The following RBBP8 variants were observed in gnomAD, a reference collection of about 807,000 sequenced individuals.
RBBP8 encodes RB binding protein 8, endonuclease.
Under a neutral mutation model 108.3 loss-of-function variants are expected in RBBP8, and 88 were observed. That is an observed-to-expected ratio of 0.81 (90% CI 0.68 to 0.97). The LOEUF (loss-of-function observed/expected upper bound fraction) is 0.97. Ranked by LOEUF, RBBP8 falls within the 50% of genes least tolerant of loss-of-function variation. The probability of loss-of-function intolerance (pLI) is 0.00; values close to 1 mark genes in which losing one functional copy is unlikely to be tolerated. For missense variants in RBBP8, 1,023 were observed against 1,049.0 expected, an observed-to-expected ratio of 0.98 and a Z score of 0.34; for synonymous variants, 332 against 348.2, an observed-to-expected ratio of 0.95 and a Z score of 0.52.
chr18:22,997,707 C>G lies in RBBP8; in HGVS notation c.2116C>G (p.Gln706Glu). The change falls in exon 14 of 19, where the codon CAA (glutamine) becomes GAA (glutamate). Residue 706 changes from glutamine to glutamate, a missense_variant. By Grantham distance (29) the Gln-to-Glu change is conservative. Coordinates refer to ENST00000327155, the MANE Select transcript of RBBP8 (RefSeq NM_002894.3). ...SETVLLKMKKQEQKGEKSSNE... is the reference protein window; with the variant it reads ...SETVLLKMKKEEQKGEKSSNE... Reference sequence around the variant, plus strand: ...AACCGTTCTCTTAAAAATGAAGAAGCAAGAGCAGAAGGGAGAAAAAAGTTC... The same window carrying G: ...AACCGTTCTCTTAAAAATGAAGAAGGAAGAGCAGAAGGGAGAAAAAAGTTC... The G allele has an allele frequency of 1.9e-6, 3 of 1,602,694 alleles. No homozygotes were observed. The highest frequency in any genetic ancestry group is 2.6e-6 in the Non-Finnish European group (3 of 1,172,592).
chr18:22,993,470 A>AT lies in RBBP8; in HGVS notation c.1645dup (p.Ser549PhefsTer18), dbSNP rs1423546328. ...GATGGCAACTGCACGTTGCCCAAAG[A>AT]TTCCCCAGGGGAGCCCTGTTCACAG... is the stretch of plus-strand genomic sequence containing the variant. On this transcript the variant is annotated frameshift_variant, in exon 11 of 19. Transcript: ENST00000327155. LOFTEE classifies it high-confidence loss of function. The AT allele has an allele frequency of 1.2e-6, 2 of 1,614,110 alleles. No individual in the cohort carries two copies. Among genetic ancestry groups the AT allele is most frequent in the Non-Finnish European group, 1.7e-6 (2 of 1,180,042 alleles).
intron 2 of RBBP8, among the ~76,000 whole-genome samples, chr18:22,944,525 G>A (rs1394904161): frequency 6.6e-6 from 1 of 152,172 alleles, no homozygotes; most frequent in East Asian, 1.9e-4. Flanking sequence ...TGCACCACAG[G>A]TTTTGGTTTT....
rs190738483 is a variant in RBBP8 at position 22,955,486 on chromosome 18, T to C, written c.248+5773T>C. 2.0e-3 allele frequency among the ~76,000 whole-genome samples: 305 copies of C among 152,288 alleles called. 2 individuals are homozygous for C. The highest frequency in any genetic ancestry group is 3.5e-3 in the South Asian group (17 of 4,826). On this transcript the variant is annotated intron_variant, in intron 4 of 18. Transcript: ENST00000327155. ...CTTTCTATTAACGCTACAGGATAGA[T>C]GATAGATCCATTTTGCATGTGAGGA...
intron 14 of RBBP8, among the ~76,000 whole-genome samples, chr18:23,000,547 G>C (rs1598729139): frequency 6.6e-6 from 1 of 152,098 alleles, no homozygotes; most frequent in African/African-American, 2.4e-5. Flanking sequence ...TTTGAGACCA[G>C]CCTGGCCAAC....
chr18:23,016,743 T>C, intron 16 of RBBP8, 85 bp from the exon 17 acceptor site: 1 of 1,069,518 alleles, frequency 9.4e-7, no homozygotes, highest in South Asian at 1.3e-5. Flanking sequence ...TGAATAAACA[T>C]TTCAAATAAA....
intron 18 of RBBP8, among the ~76,000 whole-genome samples, chr18:23,022,602 A>AAAAATAAAATAAAAT (rs1299225729): frequency 0.1 from 9,544 of 92,438 alleles, 1,410 homozygotes; most frequent in African/African-American, 0.21. Flanking sequence ...ACTCTGTCTC[A>AAAAATAAAATAAAAT]AAAATAAAAT....
chr18:22,971,953 T>G (rs1914124355), intron 5 of RBBP8, among the ~76,000 whole-genome samples: 1 of 151,610 alleles, frequency 6.6e-6, no homozygotes, highest in African/African-American at 2.4e-5. Flanking sequence ...CCCCAGTGTT[T>G]AATTTCTAAA....
chr18:23,006,475 C>A, intron 16 of RBBP8, 43 bp downstream of exon 16: 1 of 1,398,486 alleles, frequency 7.2e-7, no homozygotes. Flanking sequence ...ACTGGAAGTA[C>A]AATAGAGCTG....
At chr18:23,015,128 T>C (rs1417082027) in intron 16 of RBBP8, among the ~76,000 whole-genome samples, 1 of 152,010 alleles carries the variant, frequency 6.6e-6, no homozygotes, top group Non-Finnish European at 1.5e-5. Flanking sequence ...CTGGTGTTGG[T>C]CTCAAGCAAC....
chr18:22,970,023 G>A lies in RBBP8; in HGVS notation c.361+1105G>A, dbSNP rs184896102. Among the ~76,000 whole-genome samples the A allele has an allele frequency of 4.1e-3, 618 of 152,314 alleles. 3 individuals are homozygous for A. Among genetic ancestry groups the A allele is most frequent in the Non-Finnish European group, 5.0e-3 (337 of 68,006 alleles). ...CATACCAAAATCCTTGGATGCTCAA[G>A]TACCTTATATAAAGTCACATAGTAT... On this transcript the variant is annotated intron_variant, in intron 5 of 18. Transcript: ENST00000327155.
At position 22,946,400 on chromosome 18, in the gene RBBP8, A is replaced by C. The variant is rs746915550; in HGVS notation, c.110-44A>C. 1.6e-5 allele frequency: 25 copies of C among 1,606,318 alleles called. No individual in the cohort carries two copies. In the East Asian group the frequency reaches 1.8e-4, roughly 11 times the overall value. On this transcript the variant is annotated intron_variant, in intron 2 of 18. Coordinates refer to ENST00000327155, the MANE Select transcript of RBBP8 (RefSeq NM_002894.3). ...TTAATAGTGGAGCATTTGACTCATA[A>C]AGGAACTGTTGTAGAAGTAATACCT...
intron 10 of RBBP8, among the ~76,000 whole-genome samples, chr18:22,992,075 T>C (rs558968320): frequency 7.9e-5 from 12 of 152,356 alleles, no homozygotes; most frequent in African/African-American, 2.6e-4. Flanking sequence ...TTTCTACGCA[T>C]ATTTCCTCTG....
intron 5 of RBBP8, among the ~76,000 whole-genome samples, chr18:22,971,582 A>G (rs2144604986): frequency 6.6e-6 from 1 of 150,908 alleles, no homozygotes; most frequent in South Asian, 2.1e-4. Flanking sequence ...AACTCTTAGC[A>G]TCTGTTCATG....
intron 6 of RBBP8, among the ~76,000 whole-genome samples, chr18:22,975,929 CA>C (rs1253192079): frequency 6.6e-6 from 1 of 152,020 alleles, no homozygotes; most frequent in Non-Finnish European, 1.5e-5. Flanking sequence ...CTGACTAATG[CA>C]GAGCAGAGCA....
intron 2 of RBBP8, among the ~76,000 whole-genome samples, chr18:22,939,121 G>A (rs1910834313): frequency 6.6e-6 from 1 of 152,012 alleles, no homozygotes; most frequent in East Asian, 1.9e-4. Flanking sequence ...GTTTAATATT[G>A]CAGTGCTTTA....
rs756442828 is a variant in RBBP8 at position 22,993,296 on chromosome 18, C to G, written c.1469C>G (p.Pro490Arg). 5.0e-6 allele frequency: 8 copies of G among 1,614,178 alleles called. No homozygotes were observed. Among genetic ancestry groups the G allele is most frequent in the Non-Finnish European group, 5.9e-6 (7 of 1,180,016 alleles). The change falls in exon 11 of 19, where the codon CCT becomes CGT. Residue 490 changes from proline (P) to arginine (R), a missense_variant. By Grantham distance (103) the Pro-to-Arg change is moderately radical. Coordinates refer to ENST00000327155, the MANE Select transcript of RBBP8 (RefSeq NM_002894.3). ...SMNGDCVMDKPLDLSDRFSAI... is the reference protein window; with the variant it reads ...SMNGDCVMDKRLDLSDRFSAI... ...AATGGAGACTGTGTGATGGATAAAC[C>G]TCTGGATCTGTCTGATCGATTTTCA... is the stretch of plus-strand genomic sequence containing the variant.
Position 22,992,975 on chromosome 18 carries a change from C to G in RBBP8, c.1148C>G (p.Ala383Gly). The change falls in exon 11 of 19, where the codon GCC becomes GGC. Residue 383 changes from alanine to glycine, a missense_variant. Ala to Gly is a moderately conservative substitution (Grantham distance 60, BLOSUM62 0). Coordinates refer to ENST00000327155, the MANE Select transcript of RBBP8 (RefSeq NM_002894.3). ...ACTAGATCAAAATCTGAAGATAGTG[C>G]CCTTTTCACACATCACAGTCTTGGG... Reference protein sequence around the residue: ...EKTRSKSEDSALFTHHSLGSE... With the variant: ...EKTRSKSEDSGLFTHHSLGSE... 1 of 1,613,418 alleles carries G rather than the reference C, an allele frequency of 6.2e-7. No homozygotes were observed. Among genetic ancestry groups the G allele is most frequent in the Non-Finnish European group, 8.5e-7 (1 of 1,179,390 alleles).
At chr18:23,008,179 A>G (rs2046091839) in intron 16 of RBBP8, among the ~76,000 whole-genome samples, 1 of 152,204 alleles carries the variant, frequency 6.6e-6, no homozygotes, top group Non-Finnish European at 1.5e-5. Flanking sequence ...TCTGTTACTT[A>G]TAGTCACCTA....
At chr18:22,939,674 A>C (rs1469571965) in intron 2 of RBBP8, among the ~76,000 whole-genome samples, 3 of 152,244 alleles carry the variant, frequency 2.0e-5, no homozygotes, top group African/African-American at 4.8e-5. Flanking sequence ...AGAAATGTTC[A>C]AGAAATGTTT....
Sources: allele counts gnomAD v4.1 joint callset (sites outside exome capture counted in the v4.1 genomes callset), GRCh38; gene constraint gnomAD v4.1.1; transcripts MANE v1.5; gene names NCBI Gene and HGNC (gene_info 2026-07-23, HGNC 2026-07-21).